MED13: variants seen among roughly 807,000 people sequenced by gnomAD.
MED13 encodes the protein mediator of RNA polymerase II transcription subunit 13.
MED13 carries 23 observed loss-of-function variants against 225.2 expected under a neutral mutation model. That is an observed-to-expected ratio of 0.10 (90% CI 0.07 to 0.14). The LOEUF (loss-of-function observed/expected upper bound fraction) is 0.14, where lower values mean the gene tolerates loss of function less well. Among genes scored for constraint, MED13 ranks in the 10% least tolerant of loss-of-function variants. The pLI, the probability that MED13 is intolerant of heterozygous loss-of-function variation, is 1.00. For missense variants in MED13, 2,197 were observed against 2,594.5 expected (o/e 0.85, Z 3.33); for synonymous variants, 942 against 889.2 (o/e 1.06, Z -1.06).
At chr17:62,054,230 G>T (rs567856924) in intron 2 of MED13, among the ~76,000 whole-genome samples, 1 of 151,910 alleles carries the variant, frequency 6.6e-6, no homozygotes, top group Middle Eastern at 3.2e-3. Flanking sequence ...TCACCCAAGA[G>T]GGAGAGATTA....
At chr17:61,978,828 G>T (rs2080179385) in intron 16 of MED13, among the ~76,000 whole-genome samples, 1 of 152,088 alleles carries the variant, frequency 6.6e-6, no homozygotes, top group Non-Finnish European at 1.5e-5. Context: ...TTTGGTCCCT[G>T]AGAATGAATA....
intron 15 of MED13, among the ~76,000 whole-genome samples, chr17:61,983,370 T>C (rs893324428): frequency 6.6e-6 from 1 of 152,184 alleles, no homozygotes; most frequent in African/African-American, 2.4e-5. Context: ...AATGCATACC[T>C]AGACATCCAT....
At chr17:61,977,419 A>C (rs897331314) in intron 16 of MED13, among the ~76,000 whole-genome samples, 16 of 152,156 alleles carry the variant, frequency 1.1e-4, no homozygotes, top group Admixed American at 2.6e-4. Context: ...TAATTTAATC[A>C]AAGTATTCTA....
chr17:62,031,793 TTTC>T (rs946822688), intron 5 of MED13, among the ~76,000 whole-genome samples, 155 bp from the exon 6 acceptor site: 6 of 150,198 alleles, frequency 4.0e-5, no homozygotes, highest in Admixed American at 6.6e-5. Flanking sequence ...AAGTTTTTCT[TTTC>T]TTTTTTTTTT....
At chr17:62,047,168 C>T (rs549233597) in intron 3 of MED13, among the ~76,000 whole-genome samples, 19 of 151,978 alleles carry the variant, frequency 1.3e-4, no homozygotes, top group African/African-American at 2.9e-4. Flanking sequence ...GTCAGGAGTT[C>T]GAGACCAGTC....
chr17:62,012,738 T>C (rs1420628001), intron 8 of MED13, among the ~76,000 whole-genome samples: 1 of 151,924 alleles, frequency 6.6e-6, no homozygotes, highest in Non-Finnish European at 1.5e-5. Flanking sequence ...CCAGAAAGAG[T>C]ATTAAAAAGC....
At position 61,943,040 on chromosome 17, in the gene MED13, A is replaced by G. The variant is rs2079826545; in HGVS notation, c.*3428T>C. ...CCAGTTTTTAAATTTATACTCCACA[A>G]AAAAGAAAATACATACATAAAAATT... is the stretch of plus-strand genomic sequence containing the variant. On this transcript the variant is annotated 3_prime_UTR_variant, in exon 30 of 30. Coordinates refer to ENST00000397786, the MANE Select transcript of MED13 (RefSeq NM_005121.3). The G allele has an allele frequency of 6.6e-6, 1 of 152,612 alleles. No individual in the cohort carries two copies. 9.5% of individuals were successfully genotyped at this position (152,612 alleles called of 1,614,324 possible).
At chr17:61,999,929 C>A (rs921851200) in intron 9 of MED13, among the ~76,000 whole-genome samples, 6 of 151,946 alleles carry the variant, frequency 3.9e-5, no homozygotes, top group East Asian at 3.9e-4. Flanking sequence ...ATTAGCCAAG[C>A]GGTATTGTCA....
chr17:62,029,536 T>C lies in MED13; in HGVS notation c.1283+5A>G, dbSNP rs761698818. 37 of 1,610,038 alleles carry C rather than the reference T, an allele frequency of 2.3e-5. No homozygotes were observed. The highest frequency in any genetic ancestry group is 3.1e-5 in the Non-Finnish European group (36 of 1,176,612). ...TAGGCATCAATCGATCGGGAAATAA[T>C]CTACCTCAAACAACTGCAATTTGTT... On this transcript the variant is annotated splice_donor_5th_base_variant and intron_variant, in intron 8 of 29. Transcript: ENST00000397786.
chr17:61,967,964 C>T, intron 18 of MED13, 71 bp downstream of exon 18: 1 of 1,175,070 alleles, frequency 8.5e-7, no homozygotes, highest in Non-Finnish European at 1.2e-6. Context: ...CTGAACTGCC[C>T]AGTATGCTGT....
chr17:61,979,604 A>C (rs891584614), intron 16 of MED13, among the ~76,000 whole-genome samples: 1 of 152,038 alleles, frequency 6.6e-6, no homozygotes, highest in African/African-American at 2.4e-5. Flanking sequence ...CATATCTGTC[A>C]ATTAAAAAAA....
At chr17:61,952,927 G>A (rs369064182) in intron 27 of MED13, 38 bp downstream of exon 27, 55 of 1,597,212 alleles carry the variant, frequency 3.4e-5, no homozygotes, top group South Asian at 5.6e-5. Context: ...AAGCCACTGC[G>A]CCCGGCCGAG....
chr17:61,983,014 C>T lies in MED13; in HGVS notation c.2989G>A (p.Gly997Arg), dbSNP rs760952064. The change falls in exon 16 of 30, where the codon GGA (glycine) becomes AGA (arginine). Residue 997 changes from glycine to arginine, a missense_variant. Physicochemically the swap from Gly to Arg is moderately radical, Grantham distance 125 (BLOSUM62 -2). Coordinates refer to ENST00000397786, the MANE Select transcript of MED13 (RefSeq NM_005121.3). ...GATGGAGAAGGAAGAATTCCTGCTC[C>T]GCTGTTACTAGGAGGTGCACTGCTA... is the stretch of plus-strand genomic sequence containing the variant. ...PPSSAPPSNS[G>R]AGILPSPSTP... is the part of the protein sequence containing the mutation. The T allele has an allele frequency of 3.7e-6, 6 of 1,613,896 alleles. No individual in the cohort carries two copies. The highest frequency in any genetic ancestry group is 3.4e-6 in the Non-Finnish European group (4 of 1,179,970).
chr17:61,982,658 C>T lies in MED13; in HGVS notation c.3345G>A (p.Thr1115=), dbSNP rs763773894. The T allele has an allele frequency of 9.9e-6, 16 of 1,613,976 alleles. No homozygotes were observed. Among genetic ancestry groups the T allele is most frequent in the African/African-American group, 5.3e-5 (4 of 74,876 alleles). ...ADVGVYIPDP[T]QEAQYRCTCG... is the part of the protein sequence containing the mutation. ...AGGTACACCTATATTGTGCTTCCTG[C>T]GTTGGATCTGGAATGTAAACTCCAA... The change falls in exon 16 of 30, where the codon ACG becomes ACA. Residue 1115 remains threonine, a synonymous_variant. Transcript: ENST00000397786.
At chr17:62,035,250 T>G in intron 4 of MED13, among the ~76,000 whole-genome samples, 1 of 152,166 alleles carries the variant, frequency 6.6e-6, no homozygotes, top group East Asian at 1.9e-4. Flanking sequence ...TACTTCACCA[T>G]TCACGGTCAA....
Position 61,968,158 on chromosome 17 carries a change from C to T in MED13, c.4068G>A (p.Glu1356=). Residue 1356 remains glutamate, a synonymous_variant, in exon 18 of 30, where the codon GAG becomes GAA. Transcript: ENST00000397786. ...VLSPFALPYW[E]RLMLEPYGSQ... ...ATCCATAGGGTTCCAGCATAAGTCTCTCCCAATAAGGAAGAGCAAATGGAG... is the reference window on the plus strand; with the variant it reads ...ATCCATAGGGTTCCAGCATAAGTCTTTCCCAATAAGGAAGAGCAAATGGAG... 1.2e-6 allele frequency: 2 copies of T among 1,613,934 alleles called. No homozygotes were observed. Among genetic ancestry groups the T allele is most frequent in the Non-Finnish European group, 8.5e-7 (1 of 1,179,850 alleles).
chr17:61,950,852 T>C lies in MED13; in HGVS notation c.6264A>G (p.Ala2088=). ...TAAGAAAAAGGGGACACTGATATTG[T>C]GCTTGAGGACATGCTGACCAGAACC... ...PDWFWSACPQ[A]QYQCPLFLKA... The change falls in exon 28 of 30, where the codon GCA becomes GCG. Residue 2088 remains alanine, a synonymous_variant. Transcript: ENST00000397786. 6.2e-7 allele frequency: 1 copy of C among 1,613,556 alleles called. No individual in the cohort carries two copies. Among genetic ancestry groups the C allele is most frequent in the Non-Finnish European group, 8.5e-7 (1 of 1,179,756 alleles).
intron 16 of MED13, among the ~76,000 whole-genome samples, chr17:61,978,972 A>G (rs2080180591): frequency 6.6e-6 from 1 of 152,198 alleles, no homozygotes. Flanking sequence ...CTAGAACATT[A>G]CCAAAAACGA....
chr17:61,962,234 C>T (rs560807466), intron 21 of MED13, among the ~76,000 whole-genome samples: 4 of 152,000 alleles, frequency 2.6e-5, no homozygotes, highest in South Asian at 2.1e-4. Flanking sequence ...TGCAGTGAGC[C>T]GAGATCACGC....
Sources: gnomAD v4.1 joint callset for allele counts (sites outside exome capture counted in the v4.1 genomes callset) on GRCh38, gnomAD v4.1.1 for gene constraint, MANE v1.5 for transcripts, NCBI Gene and HGNC (gene_info 2026-07-23, HGNC 2026-07-21) for gene names.